FAM110B: variants seen among roughly 807,000 people sequenced by gnomAD.
FAM110B encodes family with sequence similarity 110 member B.
A neutral mutation model predicts 20.4 loss-of-function variants in FAM110B; 6 were observed. That is an observed-to-expected ratio of 0.29 (90% CI 0.16 to 0.58). FAM110B has a LOEUF of 0.58. Ranked by LOEUF, FAM110B falls within the 20% of genes least tolerant of loss-of-function variation. FAM110B has a pLI of 0.90. For synonymous variants in FAM110B, 226 were observed against 214.1 expected (o/e 1.06, Z -0.49); for missense variants, 434 against 498.2 (o/e 0.87, Z 1.23).
intron 2 of FAM110B, among the ~76,000 whole-genome samples, chr8:58,060,305 G>A (rs1249475959): frequency 1.3e-5 from 2 of 152,168 alleles, no homozygotes; most frequent in East Asian, 1.9e-4. Context: ...GTGTTATGCA[G>A]TTGGATGACT....
rs189709687 is a variant in FAM110B, at chr8:58,101,594, G to A, written c.-325+25971G>A. 3.4e-4 allele frequency among the ~76,000 whole-genome samples: 51 copies of A among 151,320 alleles called. No homozygotes were observed. The East Asian group carries it at 7.3e-3, about 22-fold the overall frequency. On this transcript the variant is annotated intron_variant, in intron 3 of 3. Transcript: ENST00000519262. Reference sequence around the variant, plus strand: ...TCTTAAAACATGACCATGATGCATCGTCAATCAAAATAAACTGAAGTATTT... The same window carrying A: ...TCTTAAAACATGACCATGATGCATCATCAATCAAAATAAACTGAAGTATTT...
At chr8:58,094,218 T>G (rs923231393) in intron 3 of FAM110B, among the ~76,000 whole-genome samples, 6 of 152,234 alleles carry the variant, frequency 3.9e-5, no homozygotes, top group Admixed American at 1.3e-4. Context: ...ACTTCCTCTC[T>G]TCCTATTTCA....
chr8:57,995,096 C>T (rs916351231), intron 1 of FAM110B, among the ~76,000 whole-genome samples: 1 of 152,064 alleles, frequency 6.6e-6, no homozygotes, highest in African/African-American at 2.4e-5. Flanking sequence ...CTGCACGTCC[C>T]GGGCTCGGCT....
chr8:58,134,572 G>C (rs1435680679), intron 3 of FAM110B, among the ~76,000 whole-genome samples: 1 of 152,176 alleles, frequency 6.6e-6, no homozygotes, highest in African/African-American at 2.4e-5. Context: ...TCAACTCTGG[G>C]AACATTTGAA....
chr8:58,080,779 C>T (rs944360841), intron 3 of FAM110B, among the ~76,000 whole-genome samples: 8 of 152,176 alleles, frequency 5.3e-5, no homozygotes, highest in African/African-American at 1.9e-4. Context: ...CTGGAAATTC[C>T]TCCTATTCAC....
intron 3 of FAM110B, among the ~76,000 whole-genome samples, chr8:58,092,493 G>A (rs1172640079): frequency 6.6e-6 from 1 of 152,142 alleles, no homozygotes; most frequent in East Asian, 1.9e-4. Context: ...AGAACATGCG[G>A]TGTTTGGTTT....
chr8:58,042,609 AC>A (rs1805243830), intron 2 of FAM110B, among the ~76,000 whole-genome samples: 1 of 152,220 alleles, frequency 6.6e-6, no homozygotes, highest in South Asian at 2.1e-4. Flanking sequence ...TAATGTGTGC[AC>A]CATCATGTGC....
intron 3 of FAM110B, among the ~76,000 whole-genome samples, chr8:58,138,606 G>A (rs1471264700): frequency 6.6e-6 from 1 of 152,190 alleles, no homozygotes. Flanking sequence ...AGCACCGAGT[G>A]AAGGGCTTTA....
chr8:58,080,692 A>G (rs1806165844), intron 3 of FAM110B, among the ~76,000 whole-genome samples: 1 of 152,204 alleles, frequency 6.6e-6, no homozygotes, highest in Non-Finnish European at 1.5e-5. Flanking sequence ...TAAATATTCA[A>G]TTCTGGTATC....
chr8:58,030,410 G>A (rs927354451), intron 1 of FAM110B, among the ~76,000 whole-genome samples: 3 of 152,144 alleles, frequency 2.0e-5, no homozygotes, highest in Non-Finnish European at 4.4e-5. Context: ...TTATTTAAAT[G>A]GGCATTTTCA....
intron 3 of FAM110B, among the ~76,000 whole-genome samples, chr8:58,123,374 T>C (rs983920371): frequency 6.6e-6 from 1 of 152,206 alleles, no homozygotes; most frequent in Non-Finnish European, 1.5e-5. Context: ...ACACTTCGAA[T>C]GATTGCCACC....
intron 3 of FAM110B, among the ~76,000 whole-genome samples, chr8:58,085,421 G>A (rs915422582): frequency 9.8e-5 from 15 of 152,326 alleles, no homozygotes; most frequent in African/African-American, 3.1e-4. Context: ...GCTGAGGCAG[G>A]AGAATTGCTT....
At chr8:58,137,287 C>T (rs984544481) in intron 3 of FAM110B, among the ~76,000 whole-genome samples, 4 of 152,186 alleles carry the variant, frequency 2.6e-5, no homozygotes, top group South Asian at 2.1e-4. Flanking sequence ...TGGCCAGGCA[C>T]GGTGGCTCAT....
At chr8:58,092,149 G>T (rs1293957456) in intron 3 of FAM110B, among the ~76,000 whole-genome samples, 1 of 152,074 alleles carries the variant, frequency 6.6e-6, no homozygotes, top group Non-Finnish European at 1.5e-5. Flanking sequence ...CACTCATCTG[G>T]AGGAAAATAA....
chr8:58,097,000 G>T (rs535954722), intron 3 of FAM110B, among the ~76,000 whole-genome samples: 202 of 152,260 alleles, frequency 1.3e-3, no homozygotes, highest in Non-Finnish European at 1.2e-3. Flanking sequence ...CAACCTTGGT[G>T]AATCTGACGA....
At chr8:58,073,837 G>T (rs140555676) in intron 2 of FAM110B, among the ~76,000 whole-genome samples, 5 of 152,188 alleles carry the variant, frequency 3.3e-5, no homozygotes, top group African/African-American at 9.7e-5. Context: ...CACCTTGAAG[G>T]CATCTGCTTT....
chr8:58,094,289 A>T (rs893132536), intron 3 of FAM110B, among the ~76,000 whole-genome samples: 1 of 152,168 alleles, frequency 6.6e-6, no homozygotes, highest in African/African-American at 2.4e-5. Context: ...CACTATGTCG[A>T]ATAAGAGTGG....
chr8:58,101,462 A>G (rs1268005863), intron 3 of FAM110B, among the ~76,000 whole-genome samples: 2 of 152,242 alleles, frequency 1.3e-5, no homozygotes, highest in African/African-American at 4.8e-5. Flanking sequence ...AACTTATGCC[A>G]GCAGTTGTTA....
chr8:58,089,528 T>C (rs990091263), intron 3 of FAM110B, among the ~76,000 whole-genome samples: 3 of 152,202 alleles, frequency 2.0e-5, no homozygotes, highest in Non-Finnish European at 2.9e-5. Context: ...GCAGACATCA[T>C]TTTACTTCAG....
Sources: allele counts gnomAD v4.1 joint callset (sites outside exome capture counted in the v4.1 genomes callset), GRCh38; gene constraint gnomAD v4.1.1; transcripts MANE v1.5; gene names NCBI Gene and HGNC (gene_info 2026-07-23, HGNC 2026-07-21).